Variants in ST6GAL1 observed in about 807,000 individuals in gnomAD.
ST6GAL1 encodes beta-galactoside alpha-2,6-sialyltransferase 1.
A neutral mutation model predicts 38.0 loss-of-function variants in ST6GAL1; 20 were observed. That is an observed-to-expected ratio of 0.53 (90% CI 0.37 to 0.77). ST6GAL1 has a LOEUF of 0.77. ST6GAL1 is among the 30% of genes least tolerant of loss of function. The probability of loss-of-function intolerance (pLI) is 0.00; values close to 1 mark genes in which losing one functional copy is unlikely to be tolerated. For synonymous variants in ST6GAL1, 196 were observed against 188.2 expected, an observed-to-expected ratio of 1.04 and a Z score of -0.34; for missense variants, 432 against 496.4, an observed-to-expected ratio of 0.87 and a Z score of 1.23.
In ST6GAL1 at chr3:187,075,834, A is replaced by G. The variant is rs751987555; in HGVS notation, c.*31A>G. 1 of 1,609,948 alleles carries G rather than the reference A, an allele frequency of 6.2e-7. No individual in the cohort carries two copies. Among genetic ancestry groups the G allele is most frequent in the Non-Finnish European group, 8.5e-7 (1 of 1,176,732 alleles). On this transcript the variant is annotated 3_prime_UTR_variant, in exon 8 of 8. Transcript: ENST00000169298. The surrounding 1 kb of genome is among the most constrained non-coding windows in gnomAD (Gnocchi z 4.1). ...GGCTCCTCACTCTTCTCCATCAGGC[A>G]TTAAATGAATGGTCTCTTGGCCACC...
intron 2 of ST6GAL1, among the ~76,000 whole-genome samples, chr3:186,973,110 A>T (rs1045460809): frequency 6.6e-6 from 1 of 152,116 alleles, no homozygotes; most frequent in African/African-American, 2.4e-5. Context: ...ATCTCAGCTC[A>T]CTGCAACCTC....
chr3:187,000,680 A>G (rs915274089), intron 2 of ST6GAL1, among the ~76,000 whole-genome samples: 2 of 152,206 alleles, frequency 1.3e-5, no homozygotes, highest in Non-Finnish European at 1.5e-5. Context: ...GCTTGTTCCT[A>G]TGGCTAGATA....
chr3:187,058,521 A>ATT, intron 5 of ST6GAL1, among the ~76,000 whole-genome samples: 1 of 151,442 alleles, frequency 6.6e-6, no homozygotes, highest in African/African-American at 2.4e-5. Flanking sequence ...ATACCTTTTA[A>ATT]TTTTTTTTTA....
intron 4 of ST6GAL1, among the ~76,000 whole-genome samples, chr3:187,044,523 G>A (rs766411925): frequency 6.6e-6 from 1 of 152,154 alleles, no homozygotes; most frequent in Non-Finnish European, 1.5e-5. Context: ...TTCTGCTTTT[G>A]TATTTTTGGT....
chr3:186,974,500 A>G (rs911748085), intron 2 of ST6GAL1, among the ~76,000 whole-genome samples: 1 of 152,040 alleles, frequency 6.6e-6, no homozygotes, highest in African/African-American at 2.4e-5. Flanking sequence ...CATGAAATCA[A>G]CCCATGTTAA....
At chr3:186,940,604 T>C (rs2108515083) in intron 1 of ST6GAL1, among the ~76,000 whole-genome samples, 1 of 152,372 alleles carries the variant, frequency 6.6e-6, no homozygotes, top group East Asian at 1.9e-4. Context: ...GTTTTTCTTT[T>C]TTCTTTAATC....
intron 2 of ST6GAL1, among the ~76,000 whole-genome samples, chr3:186,980,541 C>T (rs1020942449): frequency 1.4e-4 from 20 of 144,520 alleles, no homozygotes; most frequent in East Asian, 8.0e-4. Context: ...AGGTGGATCA[C>T]GAGATCAAGA....
In ST6GAL1 at chr3:187,065,292, G is replaced by A. The variant is rs902575621; in HGVS notation, c.706-7557G>A. On this transcript the variant is annotated intron_variant, in intron 5 of 7. Transcript: ENST00000169298. ...TGGGATTACAGGCATGAGCCACTGC[G>A]CCTGGCTTTAGCAGCTCTCTTCTAA... is the stretch of plus-strand genomic sequence containing the variant. Among the ~76,000 whole-genome samples, 4 of 152,132 alleles carry A rather than the reference G, an allele frequency of 2.6e-5. No individual in the cohort carries two copies. In the East Asian group the frequency reaches 5.8e-4, roughly 22 times the overall value.
intron 5 of ST6GAL1, among the ~76,000 whole-genome samples, chr3:187,071,248 A>G (rs1719360682): frequency 6.6e-6 from 1 of 152,202 alleles, no homozygotes. Flanking sequence ...CCTGGGCAAC[A>G]TCATCTCCCG....
At chr3:187,048,222 T>C (rs185357579) in intron 4 of ST6GAL1, among the ~76,000 whole-genome samples, 268 of 152,264 alleles carry the variant, frequency 1.8e-3, no homozygotes, top group African/African-American at 5.8e-3. Flanking sequence ...GGATTACAGG[T>C]GTGAGCCACC....
At chr3:186,933,539 C>T (rs1198116241) in intron 1 of ST6GAL1, among the ~76,000 whole-genome samples, 2 of 152,170 alleles carry the variant, frequency 1.3e-5, no homozygotes, top group Non-Finnish European at 2.9e-5. Flanking sequence ...GCCCGAGGAC[C>T]AAGAAGAAAA....
chr3:187,007,103 G>A (rs1035236604), intron 2 of ST6GAL1, among the ~76,000 whole-genome samples: 1 of 152,196 alleles, frequency 6.6e-6, no homozygotes, highest in Non-Finnish European at 1.5e-5. Flanking sequence ...GTAATAGCAG[G>A]CAGGCAGAGT....
At chr3:186,930,871 G>T (rs1224272352) in intron 1 of ST6GAL1, 37 bp downstream of exon 1, 1 of 153,114 alleles carries the variant, frequency 6.5e-6, no homozygotes, top group South Asian at 2.0e-4. Flanking sequence ...GCGCGGCCCG[G>T]GCTATCCCGG....
At chr3:186,999,950 G>C (rs914582820) in intron 2 of ST6GAL1, among the ~76,000 whole-genome samples, 1 of 152,006 alleles carries the variant, frequency 6.6e-6, no homozygotes, top group African/African-American at 2.4e-5. Context: ...GGATCCTCCT[G>C]TCTCAGCCTC....
At chr3:186,946,078 G>A (rs1714355993) in intron 1 of ST6GAL1, among the ~76,000 whole-genome samples, 1 of 151,924 alleles carries the variant, frequency 6.6e-6, no homozygotes, top group Non-Finnish European at 1.5e-5. Context: ...AGGCCAAGCG[G>A]GTGGATCACC....
At chr3:187,043,645 C>T (rs1718203692) in intron 4 of ST6GAL1, 1 of 164,234 alleles carries the variant, frequency 6.1e-6, no homozygotes, top group African/African-American at 2.4e-5. Context: ...TCACCTTGAA[C>T]ATTTATTGTT....
At chr3:186,995,113 G>A (rs1037675212) in intron 2 of ST6GAL1, among the ~76,000 whole-genome samples, 5 of 152,098 alleles carry the variant, frequency 3.3e-5, no homozygotes, top group African/African-American at 1.2e-4. Flanking sequence ...GTGTTTGAGT[G>A]TATGTATATA....
Position 186,957,989 on chromosome 3 carries a change from A to C in ST6GAL1, c.-324-5796A>C, listed in dbSNP as rs577544203. Reference sequence around the variant, plus strand: ...AATGGGATCTTCCTTTAAGCACAGAAAGCAACCACTTCAGGTTGAAGGAGG... The same window carrying C: ...AATGGGATCTTCCTTTAAGCACAGACAGCAACCACTTCAGGTTGAAGGAGG... On this transcript the variant is annotated intron_variant, in intron 1 of 7. Transcript: ENST00000169298. Among the ~76,000 whole-genome samples the C allele has an allele frequency of 3.3e-5, 5 of 152,268 alleles. No homozygotes were observed. In the East Asian group the frequency reaches 9.6e-4, roughly 29 times the overall value.
intron 2 of ST6GAL1, among the ~76,000 whole-genome samples, chr3:187,024,356 G>A (rs1408391215): frequency 1.3e-4 from 19 of 151,382 alleles, no homozygotes; most frequent in Admixed American, 1.2e-3. Context: ...GCCTCCCAAA[G>A]TGCTGGGATT....
Sources: allele counts gnomAD v4.1 joint callset (sites outside exome capture counted in the v4.1 genomes callset), GRCh38; gene constraint gnomAD v4.1.1; non-coding constraint Gnocchi (gnomAD v3.1); transcripts MANE v1.5; gene names NCBI Gene and HGNC (gene_info 2026-07-23, HGNC 2026-07-21).